Variants in SHISA6 observed in about 807,000 individuals in gnomAD.
SHISA6 encodes shisa family member 6, also known as protein shisa-6.
A neutral mutation model predicts 47.9 loss-of-function variants in SHISA6; 22 were observed. The ratio of observed to expected loss-of-function variants is 0.46; its 90% CI spans 0.33 to 0.66. SHISA6 has a LOEUF of 0.66. SHISA6 is among the 30% of genes least tolerant of loss of function. The pLI, the probability that SHISA6 is intolerant of heterozygous loss-of-function variation, is 0.02. For synonymous variants in SHISA6, 388 were observed against 337.8 expected (o/e 1.15, Z -1.63); for missense variants, 680 against 764.6 (o/e 0.89, Z 1.30).
rs1042525881 is a variant in SHISA6, at chr17:11,562,557, T to C, written c.*4253T>C. Reference sequence around the variant, plus strand: ...TGTCTTCCTGGGCTCTATATTTGATTTTGGAAGGCAGCATACTCTAGGAGA... The same window carrying C: ...TGTCTTCCTGGGCTCTATATTTGATCTTGGAAGGCAGCATACTCTAGGAGA... On this transcript the variant is annotated 3_prime_UTR_variant, in exon 6 of 6. Transcript: ENST00000441885. 6.6e-6 allele frequency: 1 copy of C among 152,158 alleles called. No individual in the cohort carries two copies. Among genetic ancestry groups the C allele is most frequent in the Admixed American group, 6.5e-5 (1 of 15,272 alleles). 9.4% of individuals were successfully genotyped at this position (152,158 alleles called of 1,614,324 possible). A position where few individuals can be genotyped will look rare whatever the true frequency, so the allele number is the denominator to read the frequency against.
intron 3 of SHISA6, among the ~76,000 whole-genome samples, chr17:11,423,207 A>G (rs1336943195): frequency 7.5e-6 from 1 of 133,004 alleles, no homozygotes; most frequent in East Asian, 2.3e-4. Flanking sequence ...TCTGTGTAAC[A>G]TATATGTATG....
rs71142209 is a variant in SHISA6, at chr17:11,423,239, GTA to G, written c.895+43745_895+43746del. Among the ~76,000 whole-genome samples the G allele has an allele frequency of 1.5e-3, 197 of 134,590 alleles. 2 individuals carry two copies. Among genetic ancestry groups the G allele is most frequent in the African/African-American group, 4.1e-3 (153 of 37,168 alleles). 88.3% of individuals were successfully genotyped at this position (134,590 alleles called of 152,430 possible). A position where few individuals can be genotyped will look rare whatever the true frequency, so the allele number is the denominator to read the frequency against. Reference sequence around the variant, plus strand: ...TATGTGTGTGTGTGTGTGTGTGTGTGTATATATATATATATAATATATATATA... The same window carrying G: ...TATGTGTGTGTGTGTGTGTGTGTGTGTATATATATATATAATATATATATA... On this transcript the variant is annotated intron_variant, in intron 3 of 5. Coordinates refer to ENST00000441885, the MANE Select transcript of SHISA6 (RefSeq NM_207386.4).
rs139651241 is a variant in SHISA6, at chr17:11,529,676, G to A, written c.896-22220G>A. On this transcript the variant is annotated intron_variant, in intron 3 of 5. Coordinates refer to ENST00000441885, the MANE Select transcript of SHISA6 (RefSeq NM_207386.4). ...AGGACAAACCATAGAGGAAAATACTGATAAAGTTGACTATATTTGAAAGTA... is the reference window on the plus strand; with the variant it reads ...AGGACAAACCATAGAGGAAAATACTAATAAAGTTGACTATATTTGAAAGTA... 8.2e-4 allele frequency among the ~76,000 whole-genome samples: 125 copies of A among 152,216 alleles called. No homozygotes were observed. The East Asian group carries it at 0.02, about 25-fold the overall frequency.
intron 3 of SHISA6, among the ~76,000 whole-genome samples, chr17:11,516,857 A>G (rs1351607098): frequency 2.0e-5 from 3 of 152,178 alleles, no homozygotes; most frequent in East Asian, 1.9e-4. Flanking sequence ...CTTCACACAC[A>G]TGGATTAAAA....
At chr17:11,480,969 G>C (rs1048322521) in intron 3 of SHISA6, among the ~76,000 whole-genome samples, 4 of 152,142 alleles carry the variant, frequency 2.6e-5, no homozygotes, top group African/African-American at 9.7e-5. Context: ...TCAAGAACTA[G>C]ATACAAGTAA....
intron 3 of SHISA6, among the ~76,000 whole-genome samples, chr17:11,425,144 A>C (rs565013624): frequency 1.1e-4 from 16 of 152,246 alleles, no homozygotes; most frequent in East Asian, 1.9e-4. Flanking sequence ...TTTTAAAGAA[A>C]TATATCTACA....
At chr17:11,269,039 TGTCTG>T (rs1344922647) in intron 2 of SHISA6, among the ~76,000 whole-genome samples, 1 of 146,384 alleles carries the variant, frequency 6.8e-6, no homozygotes, top group African/African-American at 2.7e-5. Flanking sequence ...TTTTTTTGTT[TGTCTG>T]TTTTGTTTTT....
At chr17:11,531,991 T>C (rs2071737959) in intron 3 of SHISA6, among the ~76,000 whole-genome samples, 1 of 152,072 alleles carries the variant, frequency 6.6e-6, no homozygotes, top group Non-Finnish European at 1.5e-5. Flanking sequence ...ATAAAATTTG[T>C]AAAATAAAAT....
At chr17:11,330,591 G>A (rs1387208012) in intron 2 of SHISA6, among the ~76,000 whole-genome samples, 1 of 151,986 alleles carries the variant, frequency 6.6e-6, no homozygotes, top group East Asian at 1.9e-4. Flanking sequence ...TTTTTGAGGT[G>A]TCCTAATCAA....
chr17:11,336,670 A>C (rs1049934552), intron 2 of SHISA6, among the ~76,000 whole-genome samples: 1 of 152,218 alleles, frequency 6.6e-6, no homozygotes, highest in African/African-American at 2.4e-5. Context: ...GATTGGACAG[A>C]AACTGAGCCA....
At chr17:11,397,817 C>T (rs1913626301) in intron 3 of SHISA6, among the ~76,000 whole-genome samples, 2 of 151,862 alleles carry the variant, frequency 1.3e-5, no homozygotes. Context: ...TTGATGATTC[C>T]GAGTACATTT....
At chr17:11,300,060 G>A (rs763243090) in intron 2 of SHISA6, among the ~76,000 whole-genome samples, 3 of 150,188 alleles carry the variant, frequency 2.0e-5, no homozygotes, top group South Asian at 2.1e-4. Context: ...CAGGAGAATC[G>A]CTTGAACCTG....
intron 3 of SHISA6, among the ~76,000 whole-genome samples, chr17:11,494,256 C>A (rs2071390304): frequency 6.6e-6 from 1 of 152,140 alleles, no homozygotes; most frequent in South Asian, 2.1e-4. Context: ...TCATTAGCAT[C>A]CCCTGCCTTA....
intron 3 of SHISA6, among the ~76,000 whole-genome samples, chr17:11,539,879 G>A (rs182712666): frequency 6.6e-6 from 1 of 152,182 alleles, no homozygotes; most frequent in Non-Finnish European, 1.5e-5. Flanking sequence ...GAAGGAGGAG[G>A]GACTGGTAAT....
chr17:11,466,846 T>C lies in SHISA6; in HGVS notation c.896-85050T>C, dbSNP rs184625515. Among the ~76,000 whole-genome samples, 276 of 152,276 alleles carry C rather than the reference T, an allele frequency of 1.8e-3. 3 individuals are homozygous for C. Among genetic ancestry groups the C allele is most frequent in the African/African-American group, 6.3e-3 (262 of 41,544 alleles). On this transcript the variant is annotated intron_variant, in intron 3 of 5. Transcript: ENST00000441885. Reference sequence around the variant, plus strand: ...TGTTTTCTTCAGAGACCACCCCCTGTAACCCATCCTGGCCCTCCTCCATTC... The same window carrying C: ...TGTTTTCTTCAGAGACCACCCCCTGCAACCCATCCTGGCCCTCCTCCATTC...
chr17:11,396,884 T>C (rs1913589471), intron 3 of SHISA6, among the ~76,000 whole-genome samples: 1 of 152,198 alleles, frequency 6.6e-6, no homozygotes, highest in African/African-American at 2.4e-5. Context: ...GTTCTGCACA[T>C]GTATCTCAGA....
At chr17:11,338,092 G>T (rs188868488) in intron 2 of SHISA6, among the ~76,000 whole-genome samples, 63 of 152,276 alleles carry the variant, frequency 4.1e-4, no homozygotes, top group African/African-American at 1.5e-3. Context: ...AAAACACATT[G>T]TCAGGGGAGA....
chr17:11,503,900 T>G (rs997815618), intron 3 of SHISA6, among the ~76,000 whole-genome samples: 1 of 152,248 alleles, frequency 6.6e-6, no homozygotes, highest in Non-Finnish European at 1.5e-5. Context: ...TGTGTTAATG[T>G]GTATGCTCTC....
intron 2 of SHISA6, among the ~76,000 whole-genome samples, chr17:11,302,653 C>T (rs1909969510): frequency 6.6e-6 from 1 of 152,178 alleles, no homozygotes; most frequent in Non-Finnish European, 1.5e-5. Context: ...GCCTCTGGAA[C>T]ATCTGGACCA....
Sources: gnomAD v4.1 joint callset for allele counts (sites outside exome capture counted in the v4.1 genomes callset) on GRCh38, gnomAD v4.1.1 for gene constraint, MANE v1.5 for transcripts, NCBI Gene and HGNC (gene_info 2026-07-23, HGNC 2026-07-21) for gene names.